Variants in GRXCR1 observed in about 807,000 individuals in gnomAD.
The protein encoded by GRXCR1 is glutaredoxin domain-containing cysteine-rich protein 1.
Under a neutral mutation model 27.3 loss-of-function variants are expected in GRXCR1, and 27 were observed. The observed-to-expected ratio is 0.99, with a 90% CI of 0.73 to 1.37. The LOEUF is 1.37. Among genes scored for constraint, GRXCR1 ranks in the 40% most tolerant of loss-of-function variants. GRXCR1 has a pLI of 0.00. For missense variants in GRXCR1, 379 were observed against 354.4 expected, an observed-to-expected ratio of 1.07 and a Z score of -0.56; for synonymous variants, 122 against 131.1, an observed-to-expected ratio of 0.93 and a Z score of 0.47.
chr4:42,970,120 C>T (rs114021525), intron 2 of GRXCR1, among the ~76,000 whole-genome samples: 4,652 of 152,224 alleles, frequency 0.031, 80 homozygotes, highest in South Asian at 0.058. Flanking sequence ...TATGCTAATG[C>T]AAGGGGTGGG....
chr4:42,912,258 T>G (rs2109745639), intron 1 of GRXCR1, among the ~76,000 whole-genome samples: 1 of 152,180 alleles, frequency 6.6e-6, no homozygotes, highest in Admixed American at 6.5e-5. Flanking sequence ...GTTTGTAGGT[T>G]AGGAAGAAAC....
intron 1 of GRXCR1, among the ~76,000 whole-genome samples, chr4:42,930,714 T>C (rs192276643): frequency 6.6e-6 from 1 of 152,150 alleles, no homozygotes; most frequent in African/African-American, 2.4e-5. Flanking sequence ...AAGTGAATTA[T>C]TACCTTTTTG....
chr4:42,971,367 G>A (rs1748383330), intron 2 of GRXCR1, among the ~76,000 whole-genome samples: 1 of 151,980 alleles, frequency 6.6e-6, no homozygotes, highest in African/African-American at 2.4e-5. Context: ...CCAATTTCCT[G>A]TATTAGTTCA....
chr4:42,932,619 T>TATATATATATAG (rs1249820617), intron 1 of GRXCR1, among the ~76,000 whole-genome samples: 1 of 22,920 alleles, frequency 4.4e-5, no homozygotes, highest in African/African-American at 1.7e-4. Flanking sequence ...TATATATATA[T>TATATATATATAG]AGAGAGAGAG....
intron 2 of GRXCR1, among the ~76,000 whole-genome samples, chr4:43,017,766 T>G (rs1712971872): frequency 6.6e-6 from 1 of 152,108 alleles, no homozygotes; most frequent in Non-Finnish European, 1.5e-5. Context: ...CTTAGCCAAA[T>G]ACCAACCAGG....
At chr4:43,016,500 CA>C (rs1218235600) in intron 2 of GRXCR1, among the ~76,000 whole-genome samples, 7 of 152,112 alleles carry the variant, frequency 4.6e-5, no homozygotes, top group Non-Finnish European at 1.0e-4. Context: ...GTGTTCTTAG[CA>C]TCTTGTAGCA....
At chr4:42,919,494 C>G (rs1011564673) in intron 1 of GRXCR1, among the ~76,000 whole-genome samples, 2 of 152,114 alleles carry the variant, frequency 1.3e-5, no homozygotes, top group African/African-American at 4.8e-5. Context: ...CGCTACAAAA[C>G]TTTATTCCTT....
chr4:43,005,138 C>T (rs144506962), intron 2 of GRXCR1, among the ~76,000 whole-genome samples: 1 of 152,160 alleles, frequency 6.6e-6, no homozygotes, highest in East Asian at 1.9e-4. Context: ...ATGTGTTTGG[C>T]AGTTCCCCCC....
At chr4:43,007,909 C>T (rs748008964) in intron 2 of GRXCR1, among the ~76,000 whole-genome samples, 10 of 152,194 alleles carry the variant, frequency 6.6e-5, no homozygotes, top group Admixed American at 5.2e-4. Context: ...TAATTTTACA[C>T]TTTAAAGCGT....
intron 2 of GRXCR1, among the ~76,000 whole-genome samples, chr4:42,969,829 T>C (rs139020708): frequency 4.5e-4 from 68 of 151,960 alleles, no homozygotes; most frequent in African/African-American, 1.6e-3. Flanking sequence ...TTCCCAACCG[T>C]CCCCCACAGT....
chr4:42,975,880 T>C (rs1577927920), intron 2 of GRXCR1, among the ~76,000 whole-genome samples: 1 of 152,160 alleles, frequency 6.6e-6, no homozygotes, highest in African/African-American at 2.4e-5. Flanking sequence ...TTATGCACAA[T>C]TCAATTTTCA....
At chr4:42,927,200 G>A (rs1263272897) in intron 1 of GRXCR1, among the ~76,000 whole-genome samples, 1 of 151,950 alleles carries the variant, frequency 6.6e-6, no homozygotes, top group East Asian at 1.9e-4. Context: ...TGGTAGTTTT[G>A]CATGAAATAC....
At chr4:42,997,799 C>G (rs969560843) in intron 2 of GRXCR1, among the ~76,000 whole-genome samples, 1 of 152,102 alleles carries the variant, frequency 6.6e-6, no homozygotes, top group African/African-American at 2.4e-5. Flanking sequence ...AATAAAGGCC[C>G]CTGCCCTCAT....
At chr4:42,954,371 G>C (rs1351990785) in intron 1 of GRXCR1, among the ~76,000 whole-genome samples, 1 of 152,082 alleles carries the variant, frequency 6.6e-6, no homozygotes, top group East Asian at 1.9e-4. Context: ...CACTATTTTA[G>C]AACAGGGTGG....
chr4:42,950,216 C>G (rs893421852), intron 1 of GRXCR1, among the ~76,000 whole-genome samples: 1 of 152,080 alleles, frequency 6.6e-6, no homozygotes, highest in African/African-American at 2.4e-5. Flanking sequence ...ATGGTTAATG[C>G]GGGGCTCTCT....
chr4:42,950,710 A>G (rs976074172), intron 1 of GRXCR1, among the ~76,000 whole-genome samples: 2 of 152,084 alleles, frequency 1.3e-5, no homozygotes. Context: ...TAATCCTACA[A>G]CTCTCTTGTA....
intron 3 of GRXCR1, among the ~76,000 whole-genome samples, chr4:43,025,312 A>T (rs1183406587): frequency 1.3e-5 from 2 of 152,228 alleles, no homozygotes; most frequent in African/African-American, 4.8e-5. Flanking sequence ...ATGTACTACT[A>T]GGAAAGCAGA....
At chr4:42,941,101 T>G (rs1176817465) in intron 1 of GRXCR1, among the ~76,000 whole-genome samples, 2 of 152,058 alleles carry the variant, frequency 1.3e-5, no homozygotes, top group Non-Finnish European at 2.9e-5. Flanking sequence ...TCAAACTCTC[T>G]CTGCCTCAAT....
At chr4:42,924,109 A>G (rs907573553) in intron 1 of GRXCR1, among the ~76,000 whole-genome samples, 1 of 152,092 alleles carries the variant, frequency 6.6e-6, no homozygotes, top group Non-Finnish European at 1.5e-5. Context: ...TAATGAAGGG[A>G]GAAGCTTTGA....
Sources: gnomAD v4.1 joint callset for allele counts (sites outside exome capture counted in the v4.1 genomes callset) on GRCh38, gnomAD v4.1.1 for gene constraint, MANE v1.5 for transcripts, NCBI Gene and HGNC (gene_info 2026-07-23, HGNC 2026-07-21) for gene names.